The following NRG3 variants were observed in gnomAD, a reference collection of about 807,000 sequenced individuals.
The protein encoded by NRG3 is pro-neuregulin-3, membrane-bound isoform.
In NRG3, 31 loss-of-function variants were observed where a neutral mutation model predicts 66.9. That is an observed-to-expected ratio of 0.46 (90% CI 0.35 to 0.63). The LOEUF (loss-of-function observed/expected upper bound fraction) is 0.63, where lower values mean the gene tolerates loss of function less well. Ranked by LOEUF, NRG3 falls within the 20% of genes least tolerant of loss-of-function variation. The probability of loss-of-function intolerance (pLI) is 0.00; values close to 1 mark genes in which losing one functional copy is unlikely to be tolerated. For synonymous variants in NRG3, 393 were observed against 359.4 expected (o/e 1.09, Z -1.06); for missense variants, 910 against 878.9 (o/e 1.04, Z -0.45).
chr10:82,188,372 G>A (rs370437638), intron 1 of NRG3, among the ~76,000 whole-genome samples: 6 of 152,078 alleles, frequency 3.9e-5, no homozygotes, highest in African/African-American at 1.2e-4. Context: ...AAAGCATTGC[G>A]GAAAATATCT....
intron 2 of NRG3, among the ~76,000 whole-genome samples, chr10:82,386,959 C>T (rs1333590926): frequency 6.6e-6 from 1 of 152,074 alleles, no homozygotes; most frequent in African/African-American, 2.4e-5. Flanking sequence ...AGTAACACGC[C>T]CAGCTAATTT....
intron 1 of NRG3, among the ~76,000 whole-genome samples, chr10:82,148,551 T>C (rs1228109534): frequency 1.3e-5 from 2 of 152,058 alleles, no homozygotes; most frequent in Non-Finnish European, 2.9e-5. Flanking sequence ...TTCTTTGCAT[T>C]TAGGACAGTG....
intron 2 of NRG3, among the ~76,000 whole-genome samples, chr10:82,536,284 G>C (rs1231633834): frequency 1.3e-5 from 2 of 152,122 alleles, no homozygotes; most frequent in African/African-American, 4.8e-5. Context: ...CCTCAGGATA[G>C]ACAGGGGACA....
chr10:82,545,944 T>C (rs1036132777), intron 2 of NRG3, among the ~76,000 whole-genome samples: 1 of 151,310 alleles, frequency 6.6e-6, no homozygotes, highest in Non-Finnish European at 1.5e-5. Context: ...CCGGCCACCA[T>C]GCCCGGCTAA....
At chr10:82,348,914 T>C (rs2083217425) in intron 1 of NRG3, among the ~76,000 whole-genome samples, 1 of 147,540 alleles carries the variant, frequency 6.8e-6, no homozygotes. Context: ...GGTTTTCAGC[T>C]CCATCAGCTC....
intron 2 of NRG3, among the ~76,000 whole-genome samples, chr10:82,529,485 T>C (rs1015850140): frequency 3.3e-5 from 5 of 152,254 alleles, no homozygotes; most frequent in Non-Finnish European, 7.3e-5. Flanking sequence ...GTTGTGTTAT[T>C]TATTGTATGG....
chr10:81,892,533 C>A (rs777713693), intron 1 of NRG3, among the ~76,000 whole-genome samples: 3 of 151,994 alleles, frequency 2.0e-5, no homozygotes, highest in Non-Finnish European at 4.4e-5. Context: ...TGTAAATATA[C>A]CTCAACGAAA....
intron 1 of NRG3, among the ~76,000 whole-genome samples, chr10:82,112,779 T>C (rs968366586): frequency 1.3e-5 from 2 of 152,152 alleles, no homozygotes; most frequent in South Asian, 4.1e-4. Flanking sequence ...CATAGTCACC[T>C]GATTTTTGCC....
chr10:82,700,027 C>T (rs1402465239), intron 2 of NRG3, among the ~76,000 whole-genome samples: 4 of 152,088 alleles, frequency 2.6e-5, no homozygotes, highest in Non-Finnish European at 2.9e-5. Flanking sequence ...TGACCATCCT[C>T]AAGAAGAAAT....
chr10:82,432,832 A>G (rs1044904610), intron 2 of NRG3, among the ~76,000 whole-genome samples: 1 of 152,172 alleles, frequency 6.6e-6, no homozygotes, highest in East Asian at 1.9e-4. Flanking sequence ...TGCATGGTGT[A>G]TATGTACAAC....
rs113127037 is a variant in NRG3, at chr10:81,945,129, G to T, written c.823+68966G>T. The stretch of plus-strand genomic sequence containing the variant: ...TTCCTGAATCCTTGTTCTGGTCATT[G>T]TCTGAATATCTCACTTGTCACAACT... On this transcript the variant is annotated intron_variant, in intron 1 of 8. Coordinates refer to ENST00000372141, the MANE Select transcript of NRG3 (RefSeq NM_001010848.4). 4.8e-3 allele frequency among the ~76,000 whole-genome samples: 726 copies of T among 152,140 alleles called. 3 individuals are homozygous for T. The highest frequency in any genetic ancestry group is 0.016 in the African/African-American group (669 of 41,492).
intron 1 of NRG3, among the ~76,000 whole-genome samples, chr10:82,042,716 C>T (rs1360933126): frequency 6.6e-6 from 1 of 151,964 alleles, no homozygotes; most frequent in Admixed American, 6.6e-5. Flanking sequence ...CTCTCATTTT[C>T]AAATGAAAAG....
chr10:82,600,876 C>T (rs1482673170), intron 2 of NRG3, among the ~76,000 whole-genome samples: 2 of 152,048 alleles, frequency 1.3e-5, no homozygotes, highest in Non-Finnish European at 2.9e-5. Context: ...TGAGCTTCTA[C>T]TGATCCCATC....
chr10:82,699,080 A>G (rs1160081755), intron 2 of NRG3, among the ~76,000 whole-genome samples: 1 of 152,188 alleles, frequency 6.6e-6, no homozygotes, highest in Non-Finnish European at 1.5e-5. Context: ...CGAATGTATT[A>G]TGGGTCTCTG....
chr10:82,786,916 C>A (rs1437180997), intron 3 of NRG3, among the ~76,000 whole-genome samples: 1 of 152,116 alleles, frequency 6.6e-6, no homozygotes, highest in Non-Finnish European at 1.5e-5. Context: ...TGCCCTTCCA[C>A]CTTCCACTAC....
At chr10:82,360,596 A>C (rs74147914) in intron 2 of NRG3, among the ~76,000 whole-genome samples, 3 of 152,320 alleles carry the variant, frequency 2.0e-5, no homozygotes, top group Non-Finnish European at 4.4e-5. Flanking sequence ...CTTTTTCTGC[A>C]TATGGCTATG....
chr10:82,235,706 C>T (rs2076719722), intron 1 of NRG3, among the ~76,000 whole-genome samples: 2 of 152,140 alleles, frequency 1.3e-5, no homozygotes, highest in Admixed American at 1.3e-4. Context: ...CTAATCTAGC[C>T]TACTAGTGTG....
At chr10:82,136,908 A>G (rs1195549840) in intron 1 of NRG3, among the ~76,000 whole-genome samples, 1 of 152,198 alleles carries the variant, frequency 6.6e-6, no homozygotes, top group Non-Finnish European at 1.5e-5. Flanking sequence ...TAGATTCTTC[A>G]TACCACGTGG....
At chr10:82,160,321 G>A (rs2071490599) in intron 1 of NRG3, among the ~76,000 whole-genome samples, 1 of 151,770 alleles carries the variant, frequency 6.6e-6, no homozygotes, top group South Asian at 2.1e-4. Flanking sequence ...CTCAGTTTTG[G>A]GGCAAAAGTT....
Sources: allele counts gnomAD v4.1 joint callset (sites outside exome capture counted in the v4.1 genomes callset), GRCh38; gene constraint gnomAD v4.1.1; transcripts MANE v1.5; gene names NCBI Gene and HGNC (gene_info 2026-07-23, HGNC 2026-07-21).